SYT16: variants seen among roughly 807,000 people sequenced by gnomAD.
SYT16 encodes synaptotagmin 16, also known as synaptotagmin-16.
A neutral mutation model predicts 61.4 loss-of-function variants in SYT16; 42 were observed. The observed-to-expected ratio is 0.68, with a 90% confidence interval of 0.53 to 0.89. The LOEUF (loss-of-function observed/expected upper bound fraction) is 0.89, where lower values mean the gene tolerates loss of function less well. SYT16 is among the 40% of genes least tolerant of loss of function. The pLI is 0.00. For synonymous variants in SYT16, 314 were observed against 302.3 expected, an observed-to-expected ratio of 1.04 and a Z score of -0.40; for missense variants, 804 against 807.3, an observed-to-expected ratio of 1.00 and a Z score of 0.05.
intron 1 of SYT16, among the ~76,000 whole-genome samples, chr14:61,884,409 A>G (rs1369007587): frequency 1.3e-5 from 2 of 152,190 alleles, no homozygotes; most frequent in Non-Finnish European, 2.9e-5. Context: ...TTAAACACAG[A>G]TCTTCAACTA....
chr14:61,961,486 A>C (rs1014390997), intron 1 of SYT16, among the ~76,000 whole-genome samples: 1 of 152,160 alleles, frequency 6.6e-6, no homozygotes, highest in African/African-American at 2.4e-5. Flanking sequence ...TTCAAAAGAC[A>C]TACACGTGGC....
intron 1 of SYT16, among the ~76,000 whole-genome samples, chr14:61,910,637 C>T (rs935866458): frequency 6.0e-5 from 9 of 150,792 alleles, no homozygotes; most frequent in Admixed American, 2.6e-4. Flanking sequence ...TTCAAAGATT[C>T]TCTATCTCAG....
chr14:62,039,337 G>A (rs1477732034), intron 3 of SYT16, among the ~76,000 whole-genome samples: 6 of 152,178 alleles, frequency 3.9e-5, no homozygotes, highest in Non-Finnish European at 7.3e-5. Flanking sequence ...AAATCAGGGA[G>A]CAGTAATGAA....
intron 5 of SYT16, among the ~76,000 whole-genome samples, chr14:62,075,668 A>T (rs1441269123): frequency 7.1e-6 from 1 of 141,486 alleles, no homozygotes; most frequent in Non-Finnish European, 1.6e-5. Context: ...ATCCAGGAAC[A>T]GCCAGGCTTT....
intron 1 of SYT16, among the ~76,000 whole-genome samples, chr14:61,932,049 G>T (rs1013210808): frequency 6.6e-6 from 1 of 152,186 alleles, no homozygotes; most frequent in African/African-American, 2.4e-5. Context: ...GACATCAAAG[G>T]TGACCAGAGG....
chr14:61,884,242 A>C (rs2047808990), intron 1 of SYT16, among the ~76,000 whole-genome samples: 1 of 152,216 alleles, frequency 6.6e-6, no homozygotes, highest in Non-Finnish European at 1.5e-5. Context: ...GGAAGTATAT[A>C]ACTAGTTATC....
chr14:61,816,741 G>T (rs1359262534), intron 1 of SYT16, among the ~76,000 whole-genome samples: 1 of 152,160 alleles, frequency 6.6e-6, no homozygotes, highest in Non-Finnish European at 1.5e-5. Flanking sequence ...GCCGGGCGCG[G>T]TGGCTCACGC....
chr14:61,994,761 A>G (rs1301747053), intron 2 of SYT16, among the ~76,000 whole-genome samples: 1 of 152,172 alleles, frequency 6.6e-6, no homozygotes, highest in Non-Finnish European at 1.5e-5. Context: ...CCTCAGGATT[A>G]CCTTATCCCT....
intron 3 of SYT16, among the ~76,000 whole-genome samples, chr14:62,047,136 C>T (rs938484541): frequency 6.6e-6 from 1 of 152,028 alleles, no homozygotes; most frequent in African/African-American, 2.4e-5. Flanking sequence ...GTATTGTATC[C>T]TCTTTTATTT....
At chr14:61,854,088 C>G (rs942879805) in intron 1 of SYT16, among the ~76,000 whole-genome samples, 30 of 151,822 alleles carry the variant, frequency 2.0e-4, no homozygotes, top group African/African-American at 6.8e-4. Context: ...ACACACACAC[C>G]CCCACCCCAA....
intron 5 of SYT16, among the ~76,000 whole-genome samples, chr14:62,079,813 C>T (rs2056642856): frequency 6.6e-6 from 1 of 152,096 alleles, no homozygotes; most frequent in Non-Finnish European, 1.5e-5. Flanking sequence ...CAGCCTAGCT[C>T]AGTTTTCCCA....
At chr14:62,058,048 C>T (rs1308497265) in intron 3 of SYT16, among the ~76,000 whole-genome samples, 2 of 151,848 alleles carry the variant, frequency 1.3e-5, no homozygotes, top group Non-Finnish European at 2.9e-5. Context: ...TTCTTTTTAC[C>T]TTTTTACCCA....
At chr14:61,939,958 G>C (rs1055469953) in intron 1 of SYT16, among the ~76,000 whole-genome samples, 1 of 151,974 alleles carries the variant, frequency 6.6e-6, no homozygotes, top group South Asian at 2.1e-4. Context: ...TCATCTGGGG[G>C]CTTTTCAACT....
intron 1 of SYT16, among the ~76,000 whole-genome samples, chr14:61,902,053 G>T (rs997479566): frequency 2.6e-5 from 4 of 152,104 alleles, no homozygotes; most frequent in Non-Finnish European, 4.4e-5. Context: ...GTGAGCCACC[G>T]TTCCAGACCT....
rs1003583365 is a variant in SYT16 at position 62,101,579 on chromosome 14, T to C, written c.*872T>C. Reference sequence around the variant, plus strand: ...TCCTTTTTCTATGTTCAATTATATATACTCATATATGAATATTTTGAATGT... The same window carrying C: ...TCCTTTTTCTATGTTCAATTATATACACTCATATATGAATATTTTGAATGT... On this transcript the variant is annotated 3_prime_UTR_variant, in exon 8 of 8. Transcript: ENST00000683842. 1 of 152,206 alleles carries C rather than the reference T, an allele frequency of 6.6e-6. No individual in the cohort carries two copies. The highest frequency in any genetic ancestry group is 2.4e-5 in the African/African-American group (1 of 41,452). 9.4% of individuals were successfully genotyped at this position (152,206 alleles called of 1,614,324 possible).
At chr14:61,966,696 A>C (rs1411914996) in intron 1 of SYT16, among the ~76,000 whole-genome samples, 1 of 152,200 alleles carries the variant, frequency 6.6e-6, no homozygotes, top group Non-Finnish European at 1.5e-5. Context: ...AAAAATAAAA[A>C]TTTAATTTCA....
chr14:61,954,817 A>G (rs1377205660), intron 1 of SYT16, among the ~76,000 whole-genome samples: 3 of 152,160 alleles, frequency 2.0e-5, no homozygotes, highest in African/African-American at 4.8e-5. Flanking sequence ...TGTGCTGACT[A>G]CAATTCTCAT....
intron 4 of SYT16, among the ~76,000 whole-genome samples, chr14:62,072,114 A>G (rs1024359620): frequency 6.6e-5 from 10 of 152,236 alleles, no homozygotes; most frequent in Non-Finnish European, 1.3e-4. Context: ...GCTGTAGAAT[A>G]ATAGTCCATT....
chr14:61,940,228 T>C (rs2050153759), intron 1 of SYT16, among the ~76,000 whole-genome samples: 1 of 152,152 alleles, frequency 6.6e-6, no homozygotes, highest in South Asian at 2.1e-4. Context: ...GAGGTGACAT[T>C]CCTTTTATTT....
Sources: allele counts gnomAD v4.1 joint callset (sites outside exome capture counted in the v4.1 genomes callset), GRCh38; gene constraint gnomAD v4.1.1; transcripts MANE v1.5; gene names NCBI Gene and HGNC (gene_info 2026-07-23, HGNC 2026-07-21).